Variants in CACNA1C observed in about 807,000 individuals in gnomAD.
CACNA1C encodes calcium voltage-gated channel subunit alpha1 C.
CACNA1C carries 30 observed loss-of-function variants against 229.0 expected under a neutral mutation model. That is an observed-to-expected ratio of 0.13 (90% CI 0.10 to 0.18). The LOEUF (loss-of-function observed/expected upper bound fraction) is 0.18. Among genes scored for constraint, CACNA1C ranks in the 10% least tolerant of loss-of-function variants. The pLI is 1.00. For missense variants in CACNA1C, 1,658 were observed against 2,845.0 expected, an observed-to-expected ratio of 0.58 and a Z score of 9.49; for synonymous variants, 1,114 against 1,132.5, an observed-to-expected ratio of 0.98 and a Z score of 0.33.
intron 3 of CACNA1C, among the ~76,000 whole-genome samples, chr12:2,135,729 T>A (rs2093335396): frequency 6.8e-6 from 1 of 146,198 alleles, no homozygotes; most frequent in Non-Finnish European, 1.5e-5. Flanking sequence ...ACAGGGACAT[T>A]TAAGTCTGCA....
intron 3 of CACNA1C, among the ~76,000 whole-genome samples, chr12:2,338,293 G>A (rs944479303): frequency 3.3e-5 from 5 of 152,158 alleles, no homozygotes; most frequent in Admixed American, 2.0e-4. Context: ...GAAGAAAACG[G>A]ACATCTGTAT....
chr12:2,274,081 G>A (rs948664180), intron 3 of CACNA1C, among the ~76,000 whole-genome samples: 4 of 152,214 alleles, frequency 2.6e-5, no homozygotes, highest in African/African-American at 9.6e-5. Flanking sequence ...AGTGGCATAA[G>A]GTCCCACTTG....
At position 2,494,000 on chromosome 12, in the gene CACNA1C, G is replaced by T. The variant is rs1465937047; in HGVS notation, c.1113+614G>T. Among the ~76,000 whole-genome samples the T allele has an allele frequency of 1.3e-5, 2 of 151,982 alleles. No homozygotes were observed. Among genetic ancestry groups the T allele is most frequent in the Non-Finnish European group, 2.9e-5 (2 of 68,010 alleles). Reference sequence around the variant, plus strand: ...CTGCTGGTCATGTGATGCCTATTTAGAAATACACTTTTTTTTTTTAATTTT... The same window carrying T: ...CTGCTGGTCATGTGATGCCTATTTATAAATACACTTTTTTTTTTTAATTTT... On this transcript the variant is annotated intron_variant, in intron 7 of 46. Coordinates refer to ENST00000399655, the MANE Select transcript of CACNA1C (RefSeq NM_000719.7). The surrounding 1 kb of genome is among the most constrained non-coding windows in gnomAD (Gnocchi z 4.6).
At chr12:2,246,010 T>TC (rs2073031688) in intron 3 of CACNA1C, among the ~76,000 whole-genome samples, 2 of 152,176 alleles carry the variant, frequency 1.3e-5, no homozygotes, top group Admixed American at 1.3e-4. Flanking sequence ...GAGTGAAACC[T>TC]CAGTACCCTA....
At chr12:2,022,086 G>A (rs1264786166) in intron 1 of CACNA1C, among the ~76,000 whole-genome samples, 1 of 152,172 alleles carries the variant, frequency 6.6e-6, no homozygotes, top group African/African-American at 2.4e-5. Flanking sequence ...ACATCTGTAT[G>A]GGTTTTCTTA....
chr12:2,651,293 G>C lies in CACNA1C; in HGVS notation c.3946-347G>C. The C allele has an allele frequency of 2.6e-6, 1 of 379,848 alleles. No homozygotes were observed. 23.5% of individuals were successfully genotyped at this position (379,848 alleles called of 1,614,324 possible). On this transcript the variant is annotated intron_variant, in intron 31 of 46. Transcript: ENST00000399655. The surrounding 1 kb of genome is among the most constrained non-coding windows in gnomAD (Gnocchi z 5.4). ...AGAGGAGGGGTTCCCAGGGCAGCTG[G>C]CTCTGGGCCTAGAAGATTCCAAAGC...
In CACNA1C at chr12:2,601,784, G is replaced by A. The variant is rs1157841259; in HGVS notation, c.2854-70G>A. On this transcript the variant is annotated intron_variant, in intron 21 of 46. Transcript: ENST00000399655. The surrounding 1 kb of genome is among the most constrained non-coding windows in gnomAD (Gnocchi z 5.9). Reference sequence around the variant, plus strand: ...CCCAAGGGATGCTGTGGGAGGAAGGGGTGGTGTGAGGGGTCTCTGGGCTAG... The same window carrying A: ...CCCAAGGGATGCTGTGGGAGGAAGGAGTGGTGTGAGGGGTCTCTGGGCTAG... The A allele has an allele frequency of 5.4e-6, 5 of 926,470 alleles. No individual in the cohort carries two copies. Among genetic ancestry groups the A allele is most frequent in the Middle Eastern group, 2.1e-4 (1 of 4,736 alleles). 57.4% of individuals were successfully genotyped at this position (926,470 alleles called of 1,614,324 possible). A position where few individuals can be genotyped will look rare whatever the true frequency, so the allele number is the denominator to read the frequency against.
chr12:2,481,944 A>C (rs1256054002), intron 5 of CACNA1C, among the ~76,000 whole-genome samples: 1 of 152,272 alleles, frequency 6.6e-6, no homozygotes, highest in Non-Finnish European at 1.5e-5. Flanking sequence ...CTCGCTTATC[A>C]GCGGTGAGCA....
intron 8 of CACNA1C, among the ~76,000 whole-genome samples, chr12:2,505,228 T>G (rs1015005022): frequency 6.6e-6 from 1 of 152,132 alleles, no homozygotes; most frequent in Non-Finnish European, 1.5e-5. Flanking sequence ...GCACTTCTCC[T>G]TGTGCCTTCG....
chr12:2,004,399 T>C (rs1198433262), intron 1 of CACNA1C: 5 of 1,612,002 alleles, frequency 3.1e-6, no homozygotes, highest in Non-Finnish European at 4.2e-6. Flanking sequence ...CGCGCCCCTT[T>C]CCCACCAGGC....
chr12:1,977,151 G>C (rs532266655), intron 1 of CACNA1C, among the ~76,000 whole-genome samples: 39 of 152,274 alleles, frequency 2.6e-4, no homozygotes, highest in Admixed American at 9.8e-4. Flanking sequence ...GTTAAGAAAA[G>C]ACGTAACAAA....
At chr12:2,243,024 TGG>T (rs1336451194) in intron 3 of CACNA1C, among the ~76,000 whole-genome samples, 1 of 152,218 alleles carries the variant, frequency 6.6e-6, no homozygotes, top group Non-Finnish European at 1.5e-5. Context: ...ATCTGCTGTG[TGG>T]TTTGGTGTTT....
intron 3 of CACNA1C, among the ~76,000 whole-genome samples, chr12:2,439,503 G>A (rs190287287): frequency 2.6e-5 from 4 of 152,254 alleles, no homozygotes; most frequent in Admixed American, 6.5e-5. Flanking sequence ...CCCAAGAGGC[G>A]TGCACAGGGC....
chr12:2,373,413 T>G (rs371983499), intron 3 of CACNA1C, among the ~76,000 whole-genome samples: 1 of 152,010 alleles, frequency 6.6e-6, no homozygotes, highest in East Asian at 1.9e-4. Context: ...TGGGGAGTTT[T>G]GGGGGAGGCT....
At chr12:2,594,259 A>G (rs999621821) in intron 19 of CACNA1C, among the ~76,000 whole-genome samples, 6 of 152,232 alleles carry the variant, frequency 3.9e-5, no homozygotes, top group African/African-American at 1.4e-4. Flanking sequence ...GAAAAAGTAC[A>G]GCCATAATGT....
intron 3 of CACNA1C, among the ~76,000 whole-genome samples, chr12:2,248,070 G>T (rs775368472): frequency 6.6e-6 from 1 of 151,992 alleles, no homozygotes; most frequent in Non-Finnish European, 1.5e-5. Flanking sequence ...ATGTATATAT[G>T]TGTGTGTGTG....
chr12:1,987,032 G>A (rs2038001907), intron 1 of CACNA1C, among the ~76,000 whole-genome samples: 1 of 152,148 alleles, frequency 6.6e-6, no homozygotes, highest in South Asian at 2.1e-4. Context: ...AGAAGCTACA[G>A]AACCACTCCA....
intron 3 of CACNA1C, among the ~76,000 whole-genome samples, chr12:2,302,490 A>C (rs766626885): frequency 1.3e-5 from 2 of 151,998 alleles, no homozygotes; most frequent in African/African-American, 4.8e-5. Flanking sequence ...AATTATTGGA[A>C]GTTCCTCCCC....
At chr12:2,007,239 G>A (rs757554638) in intron 1 of CACNA1C, among the ~76,000 whole-genome samples, 1 of 152,102 alleles carries the variant, frequency 6.6e-6, no homozygotes, top group Non-Finnish European at 1.5e-5. Flanking sequence ...TCTTTTGTCT[G>A]TTAAGTTCCA....
Sources: gnomAD v4.1 joint callset for allele counts (sites outside exome capture counted in the v4.1 genomes callset) on GRCh38, gnomAD v4.1.1 for gene constraint, Gnocchi (gnomAD v3.1) non-coding constraint, MANE v1.5 for transcripts, NCBI Gene and HGNC (gene_info 2026-07-23, HGNC 2026-07-21) for gene names.